IL1RAPL2: variants seen among roughly 807,000 people sequenced by gnomAD.
IL1RAPL2 encodes X-linked interleukin-1 receptor accessory protein-like 2.
IL1RAPL2 carries 3 observed loss-of-function variants against 44.1 expected under a neutral mutation model. The observed-to-expected ratio is 0.07, with a 90% CI of 0.03 to 0.18. IL1RAPL2 has a LOEUF of 0.18. IL1RAPL2 is among the 10% of genes least tolerant of loss of function. The pLI, the probability that IL1RAPL2 is intolerant of heterozygous loss-of-function variation, is 1.00. For synonymous variants in IL1RAPL2, 181 were observed against 178.8 expected (o/e 1.01, Z -0.10); for missense variants, 391 against 496.4 (o/e 0.79, Z 2.02).
At chrX:104,621,916 A>G (rs1929408435) in intron 1 of IL1RAPL2, among the ~76,000 whole-genome samples, 1 of 111,061 alleles carries the variant, frequency 9.0e-6, no homozygotes, top group African/African-American at 3.3e-5. Context: ...TTACCATTTT[A>G]ACTTCCTTAG....
chrX:104,903,295 T>C (rs2147674988), intron 2 of IL1RAPL2, among the ~76,000 whole-genome samples: 1 of 112,174 alleles, frequency 8.9e-6, no homozygotes, highest in African/African-American at 3.2e-5. Context: ...TTATATATGT[T>C]GGTCAGATAT....
chrX:105,372,202 G>A (rs1399375342), intron 5 of IL1RAPL2, among the ~76,000 whole-genome samples: 4 of 110,783 alleles, frequency 3.6e-5, no homozygotes, highest in Admixed American at 9.7e-5. Flanking sequence ...TTGGGAGGCC[G>A]AGGTGGGCAG....
At chrX:105,718,520 CAT>C (rs1200303320) in intron 7 of IL1RAPL2, among the ~76,000 whole-genome samples, 3 of 111,425 alleles carry the variant, frequency 2.7e-5, no homozygotes, top group Non-Finnish European at 5.7e-5. Context: ...GCAAAATACA[CAT>C]GAAAAGGTGT....
intron 3 of IL1RAPL2, among the ~76,000 whole-genome samples, chrX:105,198,670 G>T (rs1461606618): frequency 3.6e-5 from 4 of 111,504 alleles, no homozygotes; most frequent in Non-Finnish European, 5.7e-5. Context: ...CTCTGGTAGC[G>T]CATTGTATTT....
chrX:105,238,928 GT>G (rs782066537), intron 4 of IL1RAPL2, among the ~76,000 whole-genome samples: 1 of 111,394 alleles, frequency 9.0e-6, no homozygotes, highest in East Asian at 2.8e-4. Flanking sequence ...GAATGCAAAC[GT>G]TTAAAACTTT....
chrX:105,685,634 T>G (rs1246498396), intron 6 of IL1RAPL2, among the ~76,000 whole-genome samples: 1 of 111,819 alleles, frequency 8.9e-6, no homozygotes, highest in Non-Finnish European at 1.9e-5. Flanking sequence ...CTCTTCAGGA[T>G]ATTATCCAGG....
chrX:105,172,986 G>A (rs1255454265), intron 2 of IL1RAPL2, among the ~76,000 whole-genome samples: 2 of 110,405 alleles, frequency 1.8e-5, no homozygotes, highest in Non-Finnish European at 3.8e-5. Flanking sequence ...TAAGATGATG[G>A]GCATACCCTG....
intron 2 of IL1RAPL2, among the ~76,000 whole-genome samples, chrX:104,710,066 A>G (rs1471933402): frequency 9.0e-6 from 1 of 111,485 alleles, no homozygotes; most frequent in Non-Finnish European, 1.9e-5. Flanking sequence ...TACTGTGGAA[A>G]GCAGTTTGGC....
chrX:105,636,973 A>C (rs1043570269), intron 6 of IL1RAPL2, among the ~76,000 whole-genome samples: 5 of 111,295 alleles, frequency 4.5e-5, no homozygotes, highest in Non-Finnish European at 9.4e-5. Flanking sequence ...TCACTGAGCC[A>C]AAAGTCTTAG....
intron 6 of IL1RAPL2, among the ~76,000 whole-genome samples, chrX:105,555,857 A>G (rs1364884624): frequency 8.9e-6 from 1 of 111,845 alleles, no homozygotes; most frequent in Admixed American, 9.5e-5. Context: ...TGGGAGTTTC[A>G]GACAGAGAAC....
At chrX:104,956,440 G>A (rs1259177200) in intron 2 of IL1RAPL2, among the ~76,000 whole-genome samples, 3 of 86,145 alleles carry the variant, frequency 3.5e-5, no homozygotes, top group African/African-American at 4.6e-5. Context: ...TGGCCAACAT[G>A]GCAAAACCCT....
At chrX:104,902,394 TTTTGTTC>T (rs1384952722) in intron 2 of IL1RAPL2, among the ~76,000 whole-genome samples, 1 of 112,141 alleles carries the variant, frequency 8.9e-6, no homozygotes, top group Non-Finnish European at 1.9e-5. Context: ...CGAAACAATT[TTTTGTTC>T]TTTGAACTCT....
intron 2 of IL1RAPL2, among the ~76,000 whole-genome samples, chrX:104,809,022 C>T (rs1602737796): frequency 9.0e-6 from 1 of 111,577 alleles, no homozygotes; most frequent in Non-Finnish European, 1.9e-5. Context: ...ATATAAATTG[C>T]CTAGGGCTTC....
At chrX:104,703,814 G>C (rs2147553644) in intron 2 of IL1RAPL2, among the ~76,000 whole-genome samples, 1 of 112,164 alleles carries the variant, frequency 8.9e-6, no homozygotes, top group South Asian at 3.7e-4. Flanking sequence ...CAGCTATTAA[G>C]TATTAGAGTG....
intron 6 of IL1RAPL2, among the ~76,000 whole-genome samples, chrX:105,487,314 C>G: frequency 9.0e-6 from 1 of 111,045 alleles, no homozygotes. Context: ...ATGTACTGTT[C>G]AGGACATCTA....
At position 105,437,303 on chromosome X, in the gene IL1RAPL2, G is replaced by A. The variant is rs184013248; in HGVS notation, c.698-47010G>A. The stretch of plus-strand genomic sequence containing the variant: ...TTTATTCTTATTAATATCAAATACA[G>A]GTAAACCAGACTTTACAAGCAATGC... On this transcript the variant is annotated intron_variant, in intron 5 of 10. Coordinates refer to ENST00000372582, the MANE Select transcript of IL1RAPL2 (RefSeq NM_017416.2). Among the ~76,000 whole-genome samples the A allele has an allele frequency of 3.6e-5, 4 of 109,864 alleles. No homozygotes were observed. The Admixed American group carries it at 3.9e-4, about 11-fold the overall frequency.
chrX:105,025,521 T>C (rs1173993110), intron 2 of IL1RAPL2, among the ~76,000 whole-genome samples: 1 of 111,604 alleles, frequency 9.0e-6, no homozygotes, highest in African/African-American at 3.2e-5. Flanking sequence ...ACATTTTTTA[T>C]TCATTCATCA....
At chrX:105,731,391 A>G (rs1421334634) in intron 7 of IL1RAPL2, among the ~76,000 whole-genome samples, 1 of 111,067 alleles carries the variant, frequency 9.0e-6, no homozygotes, top group African/African-American at 3.3e-5. Context: ...CCCAACAAAG[A>G]AAACAGTATA....
intron 5 of IL1RAPL2, among the ~76,000 whole-genome samples, chrX:105,268,379 A>G (rs2034420508): frequency 9.0e-6 from 1 of 111,598 alleles, no homozygotes; most frequent in Admixed American, 9.6e-5. Context: ...AGTGGGGAAT[A>G]AGGAGTGTAG....
Sources: allele counts gnomAD v4.1 joint callset (sites outside exome capture counted in the v4.1 genomes callset), GRCh38; gene constraint gnomAD v4.1.1; transcripts MANE v1.5; gene names NCBI Gene and HGNC (gene_info 2026-07-23, HGNC 2026-07-21).